The following NEBL variants were observed in gnomAD, a reference collection of about 807,000 sequenced individuals.
The protein encoded by NEBL is nebulette, also known as LIM and SH3 protein 2.
Under a neutral mutation model 140.2 loss-of-function variants are expected in NEBL, and 122 were observed. That is an observed-to-expected ratio of 0.87 (90% confidence interval 0.75 to 1.01). The LOEUF is 1.01. NEBL is among the 50% of genes least tolerant of loss of function. The probability of loss-of-function intolerance (pLI) is 0.00; values close to 1 mark genes in which losing one functional copy is unlikely to be tolerated. For synonymous variants in NEBL, 436 were observed against 398.9 expected (o/e 1.09, Z -1.11); for missense variants, 1,365 against 1,231.3 (o/e 1.11, Z -1.62).
intron 3 of NEBL, chr10:20,961,791 G>T: frequency 1.9e-6 from 3 of 1,600,294 alleles, no homozygotes; most frequent in South Asian, 1.1e-5. Flanking sequence ...TAACAAGAAG[G>T]GGGAAAAGAA....
intron 3 of NEBL, among the ~76,000 whole-genome samples, chr10:21,239,129 G>C (rs1046435544): frequency 2.0e-5 from 3 of 152,118 alleles, no homozygotes; most frequent in Non-Finnish European, 4.4e-5. Context: ...ATTCTGATAA[G>C]CCAAGTCTTC....
chr10:21,166,130 G>T (rs1840751521), intron 2 of NEBL, among the ~76,000 whole-genome samples: 1 of 142,658 alleles, frequency 7.0e-6, no homozygotes, highest in African/African-American at 2.6e-5. Context: ...TGAGGCAGGA[G>T]AATGGCGTCA....
intron 2 of NEBL, among the ~76,000 whole-genome samples, chr10:21,149,147 C>T (rs1461465578): frequency 1.3e-5 from 2 of 152,194 alleles, no homozygotes; most frequent in Admixed American, 6.5e-5. Flanking sequence ...TCCGGTGAAG[C>T]GTCCCAAAAA....
chr10:21,181,639 C>G (rs16921655), intron 3 of NEBL, among the ~76,000 whole-genome samples: 3 of 152,226 alleles, frequency 2.0e-5, no homozygotes, highest in African/African-American at 4.8e-5. Context: ...GGGTGAGCTT[C>G]TTGCGACACC....
chr10:20,892,006 A>C (rs1472382461), intron 2 of NEBL, among the ~76,000 whole-genome samples: 2 of 152,234 alleles, frequency 1.3e-5, no homozygotes, highest in African/African-American at 4.8e-5. Flanking sequence ...AGGTAAAATA[A>C]AAATCACTGA....
At chr10:20,935,808 C>A (rs566215229) in intron 4 of NEBL, among the ~76,000 whole-genome samples, 2 of 152,188 alleles carry the variant, frequency 1.3e-5, no homozygotes, top group South Asian at 4.1e-4. Flanking sequence ...AAATAATAAT[C>A]TAAGAAGAAT....
At chr10:20,989,207 C>A (rs938427619) in intron 3 of NEBL, among the ~76,000 whole-genome samples, 5 of 152,086 alleles carry the variant, frequency 3.3e-5, no homozygotes, top group Non-Finnish European at 4.4e-5. Context: ...ACTTGTCTCT[C>A]GAGGCAGCCA....
chr10:20,869,978 C>A, intron 5 of NEBL, 137 bp from the exon 6 acceptor site: 1 of 686,478 alleles, frequency 1.5e-6, no homozygotes, highest in Non-Finnish European at 2.6e-6. Context: ...GCTTTTTGTG[C>A]ATCTATTTGT....
chr10:21,032,259 C>A (rs1171076287), intron 2 of NEBL, among the ~76,000 whole-genome samples: 1 of 152,172 alleles, frequency 6.6e-6, no homozygotes, highest in African/African-American at 2.4e-5. Flanking sequence ...ACCTTTTTTA[C>A]ATATTGGGGT....
intron 4 of NEBL, among the ~76,000 whole-genome samples, chr10:20,927,865 C>T (rs1006839631): frequency 1.3e-5 from 2 of 152,234 alleles, no homozygotes; most frequent in Admixed American, 1.3e-4. Context: ...TAGATAGGCA[C>T]GACCAAGTAT....
chr10:21,146,749 C>T (rs1192245702), intron 2 of NEBL, among the ~76,000 whole-genome samples: 1 of 152,134 alleles, frequency 6.6e-6, no homozygotes, highest in Non-Finnish European at 1.5e-5. Flanking sequence ...CAAAAGTATT[C>T]ACAAAACTTG....
chr10:21,007,446 C>G (rs1038009484), intron 3 of NEBL, among the ~76,000 whole-genome samples: 3 of 152,178 alleles, frequency 2.0e-5, no homozygotes, highest in Admixed American at 6.5e-5. Context: ...CAAGAAAGAA[C>G]TGGAAAAGCA....
chr10:20,898,413 T>A (rs79071021), upstream of NEBL, among the ~76,000 whole-genome samples: 104 of 150,900 alleles, frequency 6.9e-4, no homozygotes, highest in African/African-American at 2.3e-3. Context: ...ATTTTTTCTC[T>A]TGATATCATA....
At chr10:21,067,073 C>T (rs1022544039) in intron 2 of NEBL, among the ~76,000 whole-genome samples, 2 of 145,174 alleles carry the variant, frequency 1.4e-5, no homozygotes, top group Non-Finnish European at 3.0e-5. Flanking sequence ...CCCGGGTTCA[C>T]GCCATTCCCC....
At chr10:20,926,065 C>G (rs1365651554) in intron 4 of NEBL, among the ~76,000 whole-genome samples, 1 of 152,172 alleles carries the variant, frequency 6.6e-6, no homozygotes, top group Non-Finnish European at 1.5e-5. Context: ...ACTAAACTCT[C>G]CATTATGCCT....
chr10:21,284,969 C>A (rs888764415), intron 1 of NEBL, among the ~76,000 whole-genome samples: 1 of 152,120 alleles, frequency 6.6e-6, no homozygotes, highest in Admixed American at 6.6e-5. Context: ...AAGACTGAGG[C>A]AGGAGGATCT....
At chr10:20,901,543 A>G (rs1847869415), upstream of NEBL, among the ~76,000 whole-genome samples, 1 of 152,170 alleles carries the variant, frequency 6.6e-6, no homozygotes, top group Non-Finnish European at 1.5e-5. Flanking sequence ...AATTTATAAT[A>G]AACAATTAAA....
In NEBL at chr10:20,874,907, T is replaced by C. The variant is rs1162425964; in HGVS notation, c.481-5066A>G. 2.7e-5 allele frequency among the ~76,000 whole-genome samples: 4 copies of C among 148,292 alleles called. No homozygotes were observed. The South Asian group carries it at 8.3e-4, about 31-fold the overall frequency. ...GGTGAACACCACCACACCCAGATAG[T>C]TTTTGTATTTTTAGTAGAGATGAGG... On this transcript the variant is annotated intron_variant, in intron 5 of 27. Coordinates refer to ENST00000377122, the MANE Select transcript of NEBL (RefSeq NM_006393.3).
rs763630411 is a variant in NEBL at position 20,823,275 on chromosome 10, T to C, written c.1895A>G (p.His632Arg). 12 of 1,608,594 alleles carry C rather than the reference T, an allele frequency of 7.5e-6. No individual in the cohort carries two copies. The Admixed American group carries it at 1.2e-4, about 16-fold the overall frequency. The stretch of plus-strand genomic sequence containing the variant: ...TGGAGGATCAGAAATGGCTGTTGCA[T>C]GTTTAATCTCTTCTTTGTATTTCAC... The part of the protein sequence containing the change: ...SSVKYKEEIK[H>R]ATAISDPPEL... Residue 632 changes from histidine to arginine, a missense_variant, in exon 19 of 28, where the codon CAT becomes CGT. Transcript: ENST00000377122.
Sources: gnomAD v4.1 joint callset for allele counts (sites outside exome capture counted in the v4.1 genomes callset) on GRCh38, gnomAD v4.1.1 for gene constraint, MANE v1.5 for transcripts, NCBI Gene and HGNC (gene_info 2026-07-23, HGNC 2026-07-21) for gene names.